BARX2: variants seen among roughly 807,000 people sequenced by gnomAD.
BARX2 encodes the protein BARX homeobox 2, also known as homeobox protein BarH-like 2.
BARX2 carries 11 observed loss-of-function variants against 25.5 expected under a neutral mutation model. The observed-to-expected ratio is 0.43, with a 90% confidence interval of 0.27 to 0.71. The LOEUF is 0.71. Among genes scored for constraint, BARX2 ranks in the 30% least tolerant of loss-of-function variants. The pLI, the probability that BARX2 is intolerant of heterozygous loss-of-function variation, is 0.19. For missense variants in BARX2, 360 were observed against 359.9 expected, an observed-to-expected ratio of 1.00 and a Z score of 0.00; for synonymous variants, 137 against 149.5, an observed-to-expected ratio of 0.92 and a Z score of 0.61.
intron 1 of BARX2, among the ~76,000 whole-genome samples, chr11:129,392,403 AGAG>A (rs1861674854): frequency 6.6e-6 from 1 of 152,254 alleles, no homozygotes. Context: ...GATTAATGTC[AGAG>A]GAGATGACTG....
chr11:129,406,023 A>G (rs1213203390), intron 1 of BARX2, among the ~76,000 whole-genome samples: 1 of 152,228 alleles, frequency 6.6e-6, no homozygotes, highest in Non-Finnish European at 1.5e-5. Context: ...TTACTAGATT[A>G]TGAATTCCTG....
intron 1 of BARX2, among the ~76,000 whole-genome samples, chr11:129,402,079 G>A (rs1301705447): frequency 6.7e-6 from 1 of 150,284 alleles, no homozygotes; most frequent in African/African-American, 2.5e-5. Context: ...ACATAGAAGT[G>A]TATGAACAAA....
chr11:129,419,102 G>GCA (rs1395749860), intron 1 of BARX2, among the ~76,000 whole-genome samples: 1 of 152,194 alleles, frequency 6.6e-6, no homozygotes, highest in African/African-American at 2.4e-5. Context: ...ACATGTGAGT[G>GCA]CGCCCTGTGT....
chr11:129,419,968 A>T (rs1437249700), intron 1 of BARX2, among the ~76,000 whole-genome samples: 3 of 151,976 alleles, frequency 2.0e-5, no homozygotes, highest in Non-Finnish European at 4.4e-5. Flanking sequence ...TTTAGTAGAA[A>T]TGAGGTCTCA....
At chr11:129,440,109 C>G (rs1043280922) in intron 2 of BARX2, among the ~76,000 whole-genome samples, 2 of 152,154 alleles carry the variant, frequency 1.3e-5, no homozygotes, top group Non-Finnish European at 2.9e-5. Flanking sequence ...CATGAGCACT[C>G]CCTCCTCCCA....
rs150221404 is a variant in BARX2, at chr11:129,437,450, C to A, written c.488+399C>A. On this transcript the variant is annotated intron_variant, in intron 2 of 3. Coordinates refer to ENST00000281437, the MANE Select transcript of BARX2 (RefSeq NM_003658.5). ...TGGGATTCATGATCTTCTCAATCTT[C>A]TCCACAGCCTCCAGCTGATTCCCCA... 4,323 of 995,582 alleles carry A rather than the reference C, an allele frequency of 4.3e-3. 10 individuals are homozygous for A. The highest frequency in any genetic ancestry group is 4.8e-3 in the Non-Finnish European group (4,038 of 837,120). The allele number at this position is 995,582 out of a possible 1,614,324, so 61.7% of individuals were successfully genotyped here. A position where few individuals can be genotyped will look rare whatever the true frequency, so the allele number is the denominator to read the frequency against.
intron 1 of BARX2, among the ~76,000 whole-genome samples, chr11:129,395,870 C>T (rs1422745412): frequency 6.6e-6 from 1 of 152,060 alleles, no homozygotes; most frequent in Non-Finnish European, 1.5e-5. Context: ...ATGGGTATAG[C>T]GACACCCGTG....
intron 2 of BARX2, among the ~76,000 whole-genome samples, chr11:129,441,489 C>T (rs34478595): frequency 0.019 from 2,919 of 152,316 alleles, 35 homozygotes; most frequent in African/African-American, 0.031. Context: ...CACTCCATTG[C>T]CTAGGCTGCA....
intron 2 of BARX2, among the ~76,000 whole-genome samples, chr11:129,439,372 G>A (rs1862230578): frequency 1.3e-5 from 2 of 151,998 alleles, no homozygotes; most frequent in South Asian, 4.1e-4. Flanking sequence ...GTGGTTTACT[G>A]CACCCATCAA....
intron 1 of BARX2, among the ~76,000 whole-genome samples, chr11:129,435,638 G>A (rs1395422563): frequency 6.6e-6 from 1 of 152,158 alleles, no homozygotes; most frequent in Non-Finnish European, 1.5e-5. Context: ...GAGGATGAGA[G>A]GTCCTTTCGT....
chr11:129,430,534 TTTTAA>T (rs1284725262), intron 1 of BARX2, among the ~76,000 whole-genome samples: 1 of 152,232 alleles, frequency 6.6e-6, no homozygotes, highest in Admixed American at 6.5e-5. Flanking sequence ...TGAAATTTCC[TTTTAA>T]TTTATATTTA....
chr11:129,437,325 C>A, intron 2 of BARX2: 1 of 591,114 alleles, frequency 1.7e-6, no homozygotes, highest in Non-Finnish European at 2.4e-6. Flanking sequence ...AAACAAGGTC[C>A]AGTTTAGCAA....
chr11:129,414,100 C>T (rs1469335445), intron 1 of BARX2, among the ~76,000 whole-genome samples: 2 of 151,128 alleles, frequency 1.3e-5, no homozygotes, highest in African/African-American at 2.4e-5. Flanking sequence ...AGTAATAGCT[C>T]GGGGATTATT....
chr11:129,391,895 T>G (rs1018995646), intron 1 of BARX2, among the ~76,000 whole-genome samples: 1 of 152,208 alleles, frequency 6.6e-6, no homozygotes, highest in Non-Finnish European at 1.5e-5. Context: ...TCACTGGCAT[T>G]TTTCAGTTTG....
chr11:129,432,613 A>G (rs1475835923), intron 1 of BARX2, among the ~76,000 whole-genome samples: 1 of 152,168 alleles, frequency 6.6e-6, no homozygotes, highest in Non-Finnish European at 1.5e-5. Flanking sequence ...TGGGATTTCT[A>G]GACTGATTTT....
chr11:129,397,150 G>A (rs1380445092), intron 1 of BARX2, among the ~76,000 whole-genome samples: 1 of 152,016 alleles, frequency 6.6e-6, no homozygotes, highest in Non-Finnish European at 1.5e-5. Context: ...CGGGCGTGGT[G>A]GTATGTGCCT....
intron 1 of BARX2, among the ~76,000 whole-genome samples, chr11:129,407,821 G>A (rs1041567980): frequency 3.9e-5 from 6 of 152,120 alleles, no homozygotes; most frequent in Middle Eastern, 3.4e-3. Flanking sequence ...CAAACACGGA[G>A]GAAAGGCTCT....
intron 3 of BARX2, among the ~76,000 whole-genome samples, chr11:129,449,933 A>G (rs3019117): frequency 0.57 from 86,895 of 151,962 alleles, 25,453 homozygotes; most frequent in East Asian, 0.9. Flanking sequence ...GGCTTCCAGG[A>G]GAAGTTAGCC....
chr11:129,404,371 A>G (rs1861808542), intron 1 of BARX2, among the ~76,000 whole-genome samples: 1 of 152,222 alleles, frequency 6.6e-6, no homozygotes, highest in South Asian at 2.1e-4. Context: ...TGTGACACTT[A>G]TCACCTTGCT....
Sources: allele counts gnomAD v4.1 joint callset (sites outside exome capture counted in the v4.1 genomes callset), GRCh38; gene constraint gnomAD v4.1.1; transcripts MANE v1.5; gene names NCBI Gene and HGNC (gene_info 2026-07-23, HGNC 2026-07-21).